The following PTPN5 variants were observed in gnomAD, a reference collection of about 807,000 sequenced individuals.
PTPN5 encodes tyrosine-protein phosphatase non-receptor type 5.
In PTPN5, 29 loss-of-function variants were observed where a neutral mutation model predicts 73.9. The observed-to-expected ratio is 0.39, with a 90% CI of 0.29 to 0.54. PTPN5 has a LOEUF of 0.54. PTPN5 is among the 20% of genes least tolerant of loss of function. The pLI is 0.65. For missense variants in PTPN5, 652 were observed against 751.4 expected (o/e 0.87, Z 1.55); for synonymous variants, 267 against 304.7 (o/e 0.88, Z 1.29).
chr11:18,755,875 G>A (rs1178348392), intron 3 of PTPN5, among the ~76,000 whole-genome samples: 1 of 151,906 alleles, frequency 6.6e-6, no homozygotes, highest in Non-Finnish European at 1.5e-5. Context: ...ATGGTAGCAT[G>A]TGCCTGTAAT....
chr11:18,741,637 G>A (rs1333513402), intron 7 of PTPN5, among the ~76,000 whole-genome samples: 4 of 152,070 alleles, frequency 2.6e-5, no homozygotes, highest in African/African-American at 9.7e-5. Flanking sequence ...GGAACACTAT[G>A]AGCTACCCTA....
At chr11:18,789,933 T>C (rs373831329) in intron 1 of PTPN5, among the ~76,000 whole-genome samples, 1 of 151,976 alleles carries the variant, frequency 6.6e-6, no homozygotes, top group African/African-American at 2.4e-5. Flanking sequence ...TCCCCAAAAA[T>C]CTATGGAAAT....
chr11:18,779,607 G>A (rs548696798), intron 1 of PTPN5, among the ~76,000 whole-genome samples: 2 of 152,118 alleles, frequency 1.3e-5, no homozygotes, highest in Non-Finnish European at 2.9e-5. Flanking sequence ...GAGCAGGTAC[G>A]TGGTCTCCCT....
At chr11:18,753,331 C>T (rs1849978593) in intron 3 of PTPN5, among the ~76,000 whole-genome samples, 1 of 152,336 alleles carries the variant, frequency 6.6e-6, no homozygotes, top group African/African-American at 2.4e-5. Context: ...CTCACTACCT[C>T]AGGGGGCCTT....
At chr11:18,772,533 T>A (rs556557213) in intron 1 of PTPN5, among the ~76,000 whole-genome samples, 1 of 152,352 alleles carries the variant, frequency 6.6e-6, no homozygotes, top group East Asian at 1.9e-4. Context: ...CTGAGTGTTC[T>A]CTGCTTGGGA....
At chr11:18,748,328 A>G (rs1479500326) in intron 3 of PTPN5, among the ~76,000 whole-genome samples, 1 of 152,142 alleles carries the variant, frequency 6.6e-6, no homozygotes, top group South Asian at 2.1e-4. Flanking sequence ...TGTCTTGCAC[A>G]TTATGGAGGT....
At chr11:18,765,699 C>G (rs748083907) in intron 3 of PTPN5, 108 bp downstream of exon 3, 5 of 767,734 alleles carry the variant, frequency 6.5e-6, no homozygotes, top group Non-Finnish European at 1.2e-5. Context: ...CATGGATATT[C>G]TTGCGCAAGT....
At chr11:18,743,104 G>A (rs1358970026) in intron 5 of PTPN5, 29 bp from the exon 6 acceptor site, 2 of 1,468,474 alleles carry the variant, frequency 1.4e-6, no homozygotes, top group Admixed American at 2.0e-5. Context: ...ACAGGTCAGG[G>A]TGGTGGTGGG....
chr11:18,749,901 A>G (rs986101415), intron 3 of PTPN5, among the ~76,000 whole-genome samples: 2 of 152,186 alleles, frequency 1.3e-5, no homozygotes, highest in African/African-American at 4.8e-5. Context: ...TCCTGTTTAC[A>G]TGAGAAAGCA....
At chr11:18,777,991 A>AAAGGAAGGAAGGAAGG (rs1157092227) in intron 1 of PTPN5, among the ~76,000 whole-genome samples, 9 of 92,514 alleles carry the variant, frequency 9.7e-5, no homozygotes, top group Admixed American at 4.1e-4. Flanking sequence ...AGAAAGAAAG[A>AAAGGAAGGAAGGAAGG]AAGGAAGGAA....
intron 3 of PTPN5, among the ~76,000 whole-genome samples, chr11:18,756,302 T>C: frequency 6.7e-6 from 1 of 149,458 alleles, no homozygotes; most frequent in Non-Finnish European, 1.5e-5. Context: ...CACTTTTTTT[T>C]TTTTTTTTTT....
upstream of PTPN5, chr11:18,792,581 T>C (rs1337252634): frequency 6.5e-6 from 1 of 152,704 alleles, no homozygotes; most frequent in Non-Finnish European, 1.5e-5. Context: ...ATCTTCCGTA[T>C]TCTCCAGGCT....
intron 3 of PTPN5, among the ~76,000 whole-genome samples, chr11:18,751,350 G>A (rs1386365229): frequency 6.6e-6 from 1 of 152,208 alleles, no homozygotes; most frequent in Non-Finnish European, 1.5e-5. Flanking sequence ...CTGCCTTAAA[G>A]ATGTTCTATG....
chr11:18,757,122 A>C (rs1390495965), intron 3 of PTPN5, among the ~76,000 whole-genome samples: 1 of 152,198 alleles, frequency 6.6e-6, no homozygotes, highest in Non-Finnish European at 1.5e-5. Flanking sequence ...AGGGCTTCTG[A>C]ATCCGACAAT....
chr11:18,773,037 G>A (rs972421796), intron 1 of PTPN5, among the ~76,000 whole-genome samples: 2 of 152,022 alleles, frequency 1.3e-5, no homozygotes, highest in Admixed American at 6.6e-5. Context: ...GGTAGAAGGA[G>A]GGCATGTGGA....
rs182735598 is a variant in PTPN5 at position 18,756,845 on chromosome 11, A to G, written c.97+8962T>C. ...AGGCTGAGGCAGGAGAATTGCTTAA[A>G]CCCGGGAGGTGGAGGCTGCAGTGAG... On this transcript the variant is annotated intron_variant, in intron 3 of 14. Transcript: ENST00000358540. Among the ~76,000 whole-genome samples the G allele has an allele frequency of 2.4e-3, 360 of 150,188 alleles. 3 individuals are homozygous for G. Among genetic ancestry groups the G allele is most frequent in the African/African-American group, 8.6e-3 (348 of 40,696 alleles).
At chr11:18,790,949 C>A (rs1851890336) in intron 1 of PTPN5, among the ~76,000 whole-genome samples, 2 of 152,272 alleles carry the variant, frequency 1.3e-5, no homozygotes, top group Non-Finnish European at 2.9e-5. Flanking sequence ...CCTCCCAAGG[C>A]TCTGACCCGG....
At position 18,766,051 on chromosome 11, in the gene PTPN5, C is replaced by A. The variant is rs183859345; in HGVS notation, c.21-168G>T. Among the ~76,000 whole-genome samples the A allele has an allele frequency of 7.2e-5, 11 of 152,284 alleles. No homozygotes were observed. The East Asian group carries it at 2.1e-3, about 29-fold the overall frequency. On this transcript the variant is annotated intron_variant, in intron 2 of 14. Coordinates refer to ENST00000358540, the MANE Select transcript of PTPN5 (RefSeq NM_006906.2). The stretch of plus-strand genomic sequence containing the variant: ...ACCAGCCTGTTGAGGGGTCAAGCTG[C>A]AGAGGCAGGAGCAGAATTTTGCAGG...
At position 18,730,900 on chromosome 11, in the gene PTPN5, G is replaced by A. The variant is rs190808840; in HGVS notation, c.1330-1082C>T. 2.2e-4 allele frequency among the ~76,000 whole-genome samples: 34 copies of A among 152,242 alleles called. 1 individual carries two copies. The East Asian group carries it at 6.6e-3, about 29-fold the overall frequency. On this transcript the variant is annotated intron_variant, in intron 12 of 14. Transcript: ENST00000358540. The stretch of plus-strand genomic sequence containing the variant: ...AATGCTCCCACACTCCAAAAGGTTT[G>A]TAGGTAAAATCTCAGCAGCACACAC...
Sources: allele counts gnomAD v4.1 joint callset (sites outside exome capture counted in the v4.1 genomes callset), GRCh38; gene constraint gnomAD v4.1.1; transcripts MANE v1.5; gene names NCBI Gene and HGNC (gene_info 2026-07-23, HGNC 2026-07-21).